Variants in ERC1 observed in about 807,000 individuals in gnomAD.
The protein encoded by ERC1 is ELKS/RAB6-interacting/CAST family member 1.
Under a neutral mutation model 132.0 loss-of-function variants are expected in ERC1, and 56 were observed. That is an observed-to-expected ratio of 0.42 (90% confidence interval 0.34 to 0.53). The LOEUF (loss-of-function observed/expected upper bound fraction) is 0.53, where lower values mean the gene tolerates loss of function less well. Among genes scored for constraint, ERC1 ranks in the 20% least tolerant of loss-of-function variants. The pLI, the probability that ERC1 is intolerant of heterozygous loss-of-function variation, is 0.03. For missense variants in ERC1, 1,202 were observed against 1,349.9 expected (o/e 0.89, Z 1.72); for synonymous variants, 478 against 476.1 (o/e 1.00, Z -0.05).
Position 1,440,268 on chromosome 12 carries a change from C to A in ERC1, c.3025-4294C>A, listed in dbSNP as rs11061757. On this transcript the variant is annotated intron_variant, in intron 17 of 18. Transcript: ENST00000360905. ...CGCCCAGGCTGGAGTGCAGTGGTGC[C>A]ATCTCGGCTCACTGCAAGCTCCGCC... Among the ~76,000 whole-genome samples the A allele has an allele frequency of 2.0e-3, 276 of 137,740 alleles. 3 individuals are homozygous for A. Among genetic ancestry groups the A allele is most frequent in the African/African-American group, 6.9e-3 (245 of 35,440 alleles). The allele number at this position is 137,740 out of a possible 152,430, so 90.4% of individuals were successfully genotyped here. A position where few individuals can be genotyped will look rare whatever the true frequency, so the allele number is the denominator to read the frequency against.
At chr12:1,033,272 A>G (rs1475269159) in intron 2 of ERC1, among the ~76,000 whole-genome samples, 2 of 151,592 alleles carry the variant, frequency 1.3e-5, no homozygotes, top group African/African-American at 4.8e-5. Flanking sequence ...TCCTGACCTC[A>G]TGATCCGCCC....
At chr12:1,432,908 T>C (rs1231952582) in intron 17 of ERC1, among the ~76,000 whole-genome samples, 2 of 152,194 alleles carry the variant, frequency 1.3e-5, no homozygotes, top group Non-Finnish European at 2.9e-5. Context: ...AAAAAAACTT[T>C]TTTCACCACA....
chr12:1,478,353 T>C (rs1037836173), intron 18 of ERC1, among the ~76,000 whole-genome samples: 18 of 152,236 alleles, frequency 1.2e-4, no homozygotes, highest in African/African-American at 4.3e-4. Context: ...TATACTCTTG[T>C]GGTCATTCAA....
intron 12 of ERC1, among the ~76,000 whole-genome samples, chr12:1,191,759 T>C (rs757018768): frequency 2.0e-4 from 30 of 151,918 alleles, no homozygotes; most frequent in Non-Finnish European, 3.4e-4. Context: ...GTAACTCTTA[T>C]AAAAGTTGGA....
intron 15 of ERC1, among the ~76,000 whole-genome samples, chr12:1,343,016 A>T (rs1268029570): frequency 6.6e-6 from 1 of 152,210 alleles, no homozygotes; most frequent in Non-Finnish European, 1.5e-5. Context: ...CCTGTCACTC[A>T]TGCGGTCCTC....
chr12:1,402,612 C>CAA (rs1222552389), intron 16 of ERC1, among the ~76,000 whole-genome samples: 2 of 131,266 alleles, frequency 1.5e-5, no homozygotes, highest in African/African-American at 8.1e-5. Context: ...TGTGTAACCC[C>CAA]CAACACACAC....
At chr12:1,148,689 C>T (rs1056893454) in intron 8 of ERC1, among the ~76,000 whole-genome samples, 4 of 152,254 alleles carry the variant, frequency 2.6e-5, no homozygotes, top group Non-Finnish European at 5.9e-5. Flanking sequence ...GCAACCTCCG[C>T]CTCCCGGGTT....
intron 12 of ERC1, chr12:1,204,443 T>C (rs1957177824): frequency 2.8e-6 from 4 of 1,443,504 alleles, no homozygotes; most frequent in Admixed American, 1.9e-5. Context: ...ATTGTCCTTA[T>C]TAATTCTTTC....
At chr12:1,467,182 T>G (rs2093759876) in intron 18 of ERC1, among the ~76,000 whole-genome samples, 1 of 152,172 alleles carries the variant, frequency 6.6e-6, no homozygotes, top group Non-Finnish European at 1.5e-5. Flanking sequence ...GACACTAACA[T>G]CTTATTGCCA....
intron 16 of ERC1, among the ~76,000 whole-genome samples, chr12:1,389,753 C>T (rs923001404): frequency 1.3e-5 from 2 of 152,186 alleles, no homozygotes. Flanking sequence ...AAAGAGTTAA[C>T]ATAAATGTAG....
intron 18 of ERC1, among the ~76,000 whole-genome samples, chr12:1,455,170 T>C (rs151015620): frequency 6.6e-6 from 1 of 152,358 alleles, no homozygotes; most frequent in Non-Finnish European, 1.5e-5. Context: ...TAAATATAAA[T>C]AAGAATAATT....
intron 17 of ERC1, among the ~76,000 whole-genome samples, chr12:1,434,969 A>C (rs1347084782): frequency 6.6e-6 from 1 of 152,208 alleles, no homozygotes; most frequent in Non-Finnish European, 1.5e-5. Context: ...TAATTCAATC[A>C]CTGCATGGGA....
intron 14 of ERC1, among the ~76,000 whole-genome samples, chr12:1,263,986 G>A (rs553333951): frequency 1.4e-4 from 21 of 149,984 alleles, no homozygotes; most frequent in South Asian, 2.1e-4. Flanking sequence ...CACTGTGCCC[G>A]GCCAAAAAAA....
intron 15 of ERC1, among the ~76,000 whole-genome samples, chr12:1,290,704 T>C (rs985979405): frequency 2.6e-5 from 4 of 152,214 alleles, no homozygotes; most frequent in Admixed American, 2.0e-4. Context: ...TCCTTCCCCT[T>C]ACCTAAAGAC....
chr12:1,410,148 G>A (rs1591849885), intron 17 of ERC1, among the ~76,000 whole-genome samples: 1 of 151,760 alleles, frequency 6.6e-6, no homozygotes, highest in South Asian at 2.1e-4. Flanking sequence ...ATATATATAT[G>A]TATGTATATG....
At chr12:1,098,011 G>A (rs1329979639) in intron 3 of ERC1, among the ~76,000 whole-genome samples, 2 of 152,162 alleles carry the variant, frequency 1.3e-5, no homozygotes, top group African/African-American at 2.4e-5. Flanking sequence ...CATGGTGCCC[G>A]GACCTCTGGT....
At chr12:1,005,783 T>A (rs1963453544) in intron 1 of ERC1, among the ~76,000 whole-genome samples, 1 of 152,180 alleles carries the variant, frequency 6.6e-6, no homozygotes, top group Non-Finnish European at 1.5e-5. Context: ...AGGTAAAGTA[T>A]AATGATATTA....
chr12:1,159,456 G>A (rs1027034155), intron 8 of ERC1, among the ~76,000 whole-genome samples: 1 of 152,198 alleles, frequency 6.6e-6, no homozygotes, highest in South Asian at 2.1e-4. Context: ...ACTTCCTGCT[G>A]TGCGGCCCAG....
intron 1 of ERC1, among the ~76,000 whole-genome samples, chr12:994,252 A>C (rs992858131): frequency 1.3e-5 from 2 of 152,184 alleles, no homozygotes; most frequent in African/African-American, 4.8e-5. Context: ...TCAGTAGTAC[A>C]TTGATTATCA....
Sources: allele counts gnomAD v4.1 joint callset (sites outside exome capture counted in the v4.1 genomes callset), GRCh38; gene constraint gnomAD v4.1.1; transcripts MANE v1.5; gene names NCBI Gene and HGNC (gene_info 2026-07-23, HGNC 2026-07-21).